Variants in RARB observed in about 807,000 individuals in gnomAD.
RARB encodes the protein retinoic acid receptor beta.
A neutral mutation model predicts 51.9 loss-of-function variants in RARB; 17 were observed. The ratio of observed to expected loss-of-function variants is 0.33; its 90% CI spans 0.22 to 0.49. The LOEUF (loss-of-function observed/expected upper bound fraction) is 0.49. Among genes scored for constraint, RARB ranks in the 20% least tolerant of loss-of-function variants. The pLI, the probability that RARB is intolerant of heterozygous loss-of-function variation, is 0.99. For synonymous variants in RARB, 215 were observed against 195.4 expected (o/e 1.10, Z -0.84); for missense variants, 369 against 550.8 (o/e 0.67, Z 3.30).
intron 2 of RARB, among the ~76,000 whole-genome samples, chr3:25,043,442 G>T (rs766327706): frequency 6.6e-6 from 1 of 152,148 alleles, no homozygotes; most frequent in African/African-American, 2.4e-5. Flanking sequence ...TGGTCAGAGG[G>T]GATGTGAAAT....
Position 25,195,190 on chromosome 3 carries a change from A to T in RARB, c.178+20615A>T, listed in dbSNP as rs866850828. On this transcript the variant is annotated intron_variant, in intron 5 of 11. Transcript: ENST00000383772. The stretch of plus-strand genomic sequence containing the variant: ...TCCTCTCTGTAGGTCTTGTTATGAA[A>T]TTTTTTTTTTCCAAACAGTTTCACC... Among the ~76,000 whole-genome samples, 5 of 150,564 alleles carry T rather than the reference A, an allele frequency of 3.3e-5. No homozygotes were observed. The South Asian group carries it at 6.3e-4, about 19-fold the overall frequency.
chr3:25,209,937 A>G (rs1199700980), intron 5 of RARB, among the ~76,000 whole-genome samples: 1 of 152,172 alleles, frequency 6.6e-6, no homozygotes, highest in Non-Finnish European at 1.5e-5. Flanking sequence ...AAGTTATAAA[A>G]CTAAACATTC....
intron 5 of RARB, among the ~76,000 whole-genome samples, chr3:25,271,771 A>G (rs894853805): frequency 4.6e-5 from 7 of 152,240 alleles, no homozygotes; most frequent in Non-Finnish European, 5.9e-5. Context: ...AAAAAAATCA[A>G]TGCTATCTGT....
At chr3:24,852,689 T>C (rs1702575271) in intron 1 of RARB, among the ~76,000 whole-genome samples, 1 of 152,248 alleles carries the variant, frequency 6.6e-6, no homozygotes, top group East Asian at 1.9e-4. Flanking sequence ...AGTACTGATA[T>C]GTGCTGCAAC....
intron 5 of RARB, among the ~76,000 whole-genome samples, chr3:25,315,283 C>T (rs1436217152): frequency 1.3e-5 from 2 of 152,130 alleles, no homozygotes; most frequent in Non-Finnish European, 2.9e-5. Flanking sequence ...CCTAACCAGT[C>T]CCTAGATAGG....
At chr3:24,965,307 G>A (rs1696232270) in intron 2 of RARB, among the ~76,000 whole-genome samples, 1 of 152,148 alleles carries the variant, frequency 6.6e-6, no homozygotes, top group Non-Finnish European at 1.5e-5. Context: ...GAGTGGTCAT[G>A]CCACAGCAGA....
chr3:25,136,913 T>C (rs77163268), intron 4 of RARB, among the ~76,000 whole-genome samples: 1 of 152,030 alleles, frequency 6.6e-6, no homozygotes, highest in Non-Finnish European at 1.5e-5. Flanking sequence ...GCCAAGATTG[T>C]TAATGGTATC....
chr3:25,481,276 C>T (rs990251551), intron 2 of RARB, among the ~76,000 whole-genome samples: 1 of 152,124 alleles, frequency 6.6e-6, no homozygotes, highest in African/African-American at 2.4e-5. Flanking sequence ...AAGACTGTGT[C>T]GGCCACCACT....
At chr3:25,228,051 G>A (rs1428461441) in intron 5 of RARB, among the ~76,000 whole-genome samples, 1 of 151,844 alleles carries the variant, frequency 6.6e-6, no homozygotes, top group Non-Finnish European at 1.5e-5. Context: ...ACAATTTTTT[G>A]TCTCAATACT....
chr3:24,999,901 G>C (rs1041222836), intron 2 of RARB, among the ~76,000 whole-genome samples: 1 of 151,928 alleles, frequency 6.6e-6, no homozygotes, highest in African/African-American at 2.4e-5. Flanking sequence ...TATAGCCTTT[G>C]ATGCAAGGTA....
chr3:25,516,631 C>CTTTTTTTTTTTT lies in RARB; in HGVS notation c.448+15310_448+15321dup, dbSNP rs559135603. On this transcript the variant is annotated intron_variant, in intron 3 of 7. Transcript: ENST00000330688. ...CAAAGGTTCATCTTTATTTCCTTGT[C>CTTTTTTTTTTTT]TTTTTTTTTTTTTGAGACAGGGTCA... Among the ~76,000 whole-genome samples the CTTTTTTTTTTTT allele has an allele frequency of 4.2e-4, 55 of 131,688 alleles. 1 individual carries two copies. Among genetic ancestry groups the CTTTTTTTTTTTT allele is most frequent in the African/African-American group, 1.7e-3 (51 of 30,460 alleles). The allele number at this position is 131,688 out of a possible 152,430, so 86.4% of individuals were successfully genotyped here. A position where few individuals can be genotyped will look rare whatever the true frequency, so the allele number is the denominator to read the frequency against.
intron 2 of RARB, among the ~76,000 whole-genome samples, chr3:24,989,774 C>CTTTTTTTTTTTTTTTTTTTTTT (rs769275874): frequency 2.4e-4 from 7 of 29,532 alleles, no homozygotes; most frequent in African/African-American, 7.6e-4. Flanking sequence ...ATATGTTTTT[C>CTTTTTTTTTTTTTTTTTTTTTT]TTTTTTTTTT....
intron 2 of RARB, among the ~76,000 whole-genome samples, chr3:25,009,521 T>G (rs1444465435): frequency 1.3e-5 from 2 of 152,066 alleles, no homozygotes; most frequent in African/African-American, 4.8e-5. Context: ...CTTGAGAAAG[T>G]TGTTCTAAGA....
intron 2 of RARB, among the ~76,000 whole-genome samples, chr3:25,033,794 G>T (rs1697926200): frequency 6.6e-6 from 1 of 152,178 alleles, no homozygotes; most frequent in South Asian, 2.1e-4. Flanking sequence ...GCCTAGGCAA[G>T]TTGGCACAGT....
At chr3:24,983,364 ATATT>A (rs752247162) in intron 2 of RARB, among the ~76,000 whole-genome samples, 1 of 150,302 alleles carries the variant, frequency 6.7e-6, no homozygotes, top group Admixed American at 6.6e-5. Flanking sequence ...AAGACTTTTT[ATATT>A]TATTTATTTA....
intron 5 of RARB, among the ~76,000 whole-genome samples, chr3:25,228,257 T>A (rs73821764): frequency 9.2e-4 from 135 of 147,046 alleles, no homozygotes; most frequent in African/African-American, 3.3e-3. Context: ...TTTGTACAGT[T>A]CTCTCTTTTA....
intron 2 of RARB, among the ~76,000 whole-genome samples, chr3:24,971,945 G>T (rs1225347400): frequency 6.6e-6 from 1 of 151,392 alleles, no homozygotes; most frequent in Non-Finnish European, 1.5e-5. Context: ...TGATACATGT[G>T]TATAATCAAT....
intron 5 of RARB, 109 bp from the exon 6 acceptor site, chr3:25,593,394 C>G (rs1010416183): frequency 4.0e-6 from 4 of 1,002,734 alleles, no homozygotes; most frequent in Non-Finnish European, 6.0e-6. Context: ...GGGGGACAGA[C>G]TGCCCCAAGA....
intron 4 of RARB, among the ~76,000 whole-genome samples, chr3:25,133,515 G>A (rs1351880006): frequency 6.6e-6 from 1 of 151,912 alleles, no homozygotes; most frequent in Non-Finnish European, 1.5e-5. Flanking sequence ...TCAGTGACAT[G>A]GTTTACTGCT....
Sources: allele counts gnomAD v4.1 joint callset (sites outside exome capture counted in the v4.1 genomes callset), GRCh38; gene constraint gnomAD v4.1.1; transcripts MANE v1.5; gene names NCBI Gene and HGNC (gene_info 2026-07-23, HGNC 2026-07-21).